MARCHF1: variants seen among roughly 807,000 people sequenced by gnomAD.
MARCHF1 encodes E3 ubiquitin-protein ligase MARCHF1.
In MARCHF1, 40 loss-of-function variants were observed where a neutral mutation model predicts 54.2. The observed-to-expected ratio is 0.74, with a 90% CI of 0.57 to 0.96. MARCHF1 has a LOEUF of 0.96. MARCHF1 is among the 40% of genes least tolerant of loss of function. The pLI, the probability that MARCHF1 is intolerant of heterozygous loss-of-function variation, is 0.00. For synonymous variants in MARCHF1, 236 were observed against 236.3 expected (o/e 1.00, Z 0.01); for missense variants, 586 against 656.5 (o/e 0.89, Z 1.17).
chr4:163,906,575 C>A (rs141863482), intron 3 of MARCHF1, among the ~76,000 whole-genome samples: 2,258 of 151,716 alleles, frequency 0.015, 26 homozygotes, highest in Non-Finnish European at 0.024. Context: ...ACCCATGAAG[C>A]CATCACCACA....
intron 2 of MARCHF1, among the ~76,000 whole-genome samples, chr4:164,032,124 G>C (rs1753890094): frequency 1.3e-5 from 2 of 152,168 alleles, no homozygotes; most frequent in Non-Finnish European, 2.9e-5. Context: ...TTGCATAGTG[G>C]TGTTTATTGT....
chr4:163,651,757 C>T (rs917959335), intron 5 of MARCHF1, among the ~76,000 whole-genome samples: 1 of 151,428 alleles, frequency 6.6e-6, no homozygotes, highest in Non-Finnish European at 1.5e-5. Context: ...GTTACTTTTT[C>T]CTCCTTAGTC....
rs562863944 is a variant in MARCHF1 at position 164,038,472 on chromosome 4, G to A, written c.-247-49763C>T. Among the ~76,000 whole-genome samples, 9 of 152,248 alleles carry A rather than the reference G, an allele frequency of 5.9e-5. No homozygotes were observed. In the South Asian group the frequency reaches 8.3e-4, roughly 14 times the overall value. ...TGTGCCACTGCACTCCCGCCTGGGC[G>A]ACAGAGCCAGACTCTGTCTCAAATA... On this transcript the variant is annotated intron_variant, in intron 2 of 9. Transcript: ENST00000514618.
intron 1 of MARCHF1, among the ~76,000 whole-genome samples, chr4:164,285,046 T>A (rs182395958): frequency 1.3e-5 from 2 of 152,184 alleles, no homozygotes; most frequent in Non-Finnish European, 1.5e-5. Context: ...GGTTGACTAC[T>A]GTAGGTGTTA....
chr4:163,924,461 G>A (rs1751496988), intron 3 of MARCHF1, among the ~76,000 whole-genome samples: 1 of 151,962 alleles, frequency 6.6e-6, no homozygotes, highest in African/African-American at 2.4e-5. Flanking sequence ...TATAGAACAA[G>A]GAACAGTGAA....
intron 1 of MARCHF1, among the ~76,000 whole-genome samples, chr4:164,236,039 A>C (rs1362690045): frequency 1.3e-5 from 2 of 152,058 alleles, no homozygotes; most frequent in African/African-American, 4.8e-5. Flanking sequence ...GTAGGAAGCA[A>C]TACTCTCAAT....
At chr4:163,552,222 A>G (rs1739130282) in intron 8 of MARCHF1, among the ~76,000 whole-genome samples, 1 of 152,186 alleles carries the variant, frequency 6.6e-6, no homozygotes, top group Non-Finnish European at 1.5e-5. Context: ...AAGGTCTTGT[A>G]CTGCACCAAA....
chr4:163,694,398 G>A (rs1252936673), intron 5 of MARCHF1, among the ~76,000 whole-genome samples: 3 of 152,100 alleles, frequency 2.0e-5, no homozygotes, highest in Non-Finnish European at 4.4e-5. Context: ...AAATGGCTGG[G>A]AGTTTTTCTC....
At chr4:164,100,786 G>C (rs13120963) in intron 2 of MARCHF1, among the ~76,000 whole-genome samples, 1 of 152,126 alleles carries the variant, frequency 6.6e-6, no homozygotes. Flanking sequence ...GAACAGCTCC[G>C]GTCTACAGCT....
chr4:163,645,587 T>A (rs1470505975), intron 5 of MARCHF1, among the ~76,000 whole-genome samples: 1 of 152,060 alleles, frequency 6.6e-6, no homozygotes. Flanking sequence ...TGAAGCTCAA[T>A]GAGGTGCAAG....
chr4:163,873,053 A>C (rs1750209686), intron 3 of MARCHF1, among the ~76,000 whole-genome samples: 1 of 132,342 alleles, frequency 7.6e-6, no homozygotes, highest in African/African-American at 2.8e-5. Context: ...CAAAAAAAAA[A>C]CAAACAAACA....
rs1264460318 is a variant in MARCHF1, at chr4:163,643,527, A to G, written c.163-30134T>C. Among the ~76,000 whole-genome samples the G allele has an allele frequency of 1.2e-4, 19 of 152,034 alleles. No individual in the cohort carries two copies. In the East Asian group the frequency reaches 3.5e-3, roughly 28 times the overall value. On this transcript the variant is annotated intron_variant, in intron 5 of 9. Transcript: ENST00000514618. Reference sequence around the variant, plus strand: ...CACTGCATCCAGCTCCCTACATTTTAATATTTTGTTCTTAAAAATATTAAA... The same window carrying G: ...CACTGCATCCAGCTCCCTACATTTTGATATTTTGTTCTTAAAAATATTAAA...
chr4:164,269,315 C>T lies in MARCHF1; in HGVS notation c.-323+114555G>A, dbSNP rs184165307. Among the ~76,000 whole-genome samples, 1,251 of 152,178 alleles carry T rather than the reference C, an allele frequency of 8.2e-3. 7 individuals carry two copies. The highest frequency in any genetic ancestry group is 0.014 in the Non-Finnish European group (973 of 67,974). ...TATAATAGGACCTATCATAAAAATTCCTCAAGACTGCAGCATTTCAGATAA... is the reference window on the plus strand; with the variant it reads ...TATAATAGGACCTATCATAAAAATTTCTCAAGACTGCAGCATTTCAGATAA... On this transcript the variant is annotated intron_variant, in intron 1 of 9. Transcript: ENST00000514618.
intron 1 of MARCHF1, among the ~76,000 whole-genome samples, chr4:164,290,351 A>C (rs1332217056): frequency 6.6e-6 from 1 of 151,988 alleles, no homozygotes; most frequent in Non-Finnish European, 1.5e-5. Context: ...AATTGAAACA[A>C]ACAAAAAGAC....
At chr4:164,027,379 A>AG (rs1753791716) in intron 2 of MARCHF1, among the ~76,000 whole-genome samples, 1 of 142,026 alleles carries the variant, frequency 7.0e-6, no homozygotes, top group Non-Finnish European at 1.5e-5. Context: ...AAAAAAAAAA[A>AG]AAAAAAAAAA....
rs529465668 is a variant in MARCHF1, at chr4:163,816,846, A to G, written c.111+37175T>C. ...CAGGACTTTGTCATATACTATCTAC[A>G]TAATTTCACTTCACTCCCCCCGCTG... is the stretch of plus-strand genomic sequence containing the variant. On this transcript the variant is annotated intron_variant, in intron 4 of 9. Coordinates refer to ENST00000514618, the MANE Select transcript of MARCHF1 (RefSeq NM_001394959.1). 4.6e-5 allele frequency among the ~76,000 whole-genome samples: 7 copies of G among 152,164 alleles called. No individual in the cohort carries two copies. In the South Asian group the frequency reaches 1.5e-3, roughly 32 times the overall value.
intron 1 of MARCHF1, among the ~76,000 whole-genome samples, chr4:164,244,877 T>TGACA (rs1312315421): frequency 2.0e-5 from 3 of 151,460 alleles, no homozygotes; most frequent in African/African-American, 7.3e-5. Context: ...ATAAATTCCT[T>TGACA]GACACATACA....
At chr4:164,266,803 G>A (rs1164930452) in intron 1 of MARCHF1, among the ~76,000 whole-genome samples, 2 of 152,086 alleles carry the variant, frequency 1.3e-5, no homozygotes, top group Non-Finnish European at 2.9e-5. Flanking sequence ...ATAACAAAAT[G>A]ATATAGACAA....
intron 4 of MARCHF1, among the ~76,000 whole-genome samples, chr4:163,743,886 C>G (rs991260958): frequency 6.6e-6 from 1 of 152,138 alleles, no homozygotes; most frequent in African/African-American, 2.4e-5. Context: ...GAAATTGGCA[C>G]TGAAATAGAC....
Sources: gnomAD v4.1 joint callset for allele counts (sites outside exome capture counted in the v4.1 genomes callset) on GRCh38, gnomAD v4.1.1 for gene constraint, MANE v1.5 for transcripts, NCBI Gene and HGNC (gene_info 2026-07-23, HGNC 2026-07-21) for gene names.